ROBO2: variants seen among roughly 807,000 people sequenced by gnomAD.
ROBO2 encodes roundabout homolog 2.
Under a neutral mutation model 160.8 loss-of-function variants are expected in ROBO2, and 53 were observed. That is an observed-to-expected ratio of 0.33 (90% CI 0.26 to 0.41). The LOEUF is 0.41. Among genes scored for constraint, ROBO2 ranks in the 10% least tolerant of loss-of-function variants. ROBO2 has a pLI of 1.00. For synonymous variants in ROBO2, 664 were observed against 611.7 expected (o/e 1.09, Z -1.26); for missense variants, 1,577 against 1,722.4 (o/e 0.92, Z 1.49).
At chr3:77,296,164 T>C (rs1401332589) in intron 2 of ROBO2, among the ~76,000 whole-genome samples, 3 of 149,404 alleles carry the variant, frequency 2.0e-5, no homozygotes, top group African/African-American at 7.4e-5. Flanking sequence ...GCTAAACGAG[T>C]AAGCTGAGGC....
chr3:77,120,181 G>A (rs941193252), intron 2 of ROBO2, among the ~76,000 whole-genome samples: 3 of 152,114 alleles, frequency 2.0e-5, no homozygotes, highest in African/African-American at 7.2e-5. Context: ...TTATTTTAAC[G>A]TGTAATAGAC....
At chr3:77,024,362 G>T (rs75581107) in intron 2 of ROBO2, among the ~76,000 whole-genome samples, 1,866 of 152,238 alleles carry the variant, frequency 0.012, 39 homozygotes, top group African/African-American at 0.042. Flanking sequence ...ATGCAGAAAC[G>T]AGTCTAACAC....
chr3:77,157,081 TA>T (rs554315516), intron 2 of ROBO2, among the ~76,000 whole-genome samples: 34 of 152,154 alleles, frequency 2.2e-4, no homozygotes, highest in Non-Finnish European at 2.9e-4. Flanking sequence ...GCACATTAAA[TA>T]GGCCCTACAG....
chr3:77,307,247 CA>C (rs2063173640), intron 2 of ROBO2, among the ~76,000 whole-genome samples: 1 of 152,200 alleles, frequency 6.6e-6, no homozygotes, highest in East Asian at 1.9e-4. Flanking sequence ...TGTCTCTGAC[CA>C]AAAAGAATTA....
intron 17 of ROBO2, among the ~76,000 whole-genome samples, chr3:77,589,829 C>T (rs1402509593): frequency 6.6e-6 from 1 of 152,118 alleles, no homozygotes; most frequent in Non-Finnish European, 1.5e-5. Flanking sequence ...ACATTTCACA[C>T]TTTCTAGAAT....
intron 2 of ROBO2, among the ~76,000 whole-genome samples, chr3:76,480,909 A>G (rs2079173869): frequency 2.0e-5 from 3 of 152,196 alleles, no homozygotes; most frequent in Admixed American, 2.0e-4. Flanking sequence ...GAGTCTTACA[A>G]CTTTTCAATT....
intron 2 of ROBO2, among the ~76,000 whole-genome samples, chr3:77,378,336 G>A (rs12493938): frequency 0.28 from 41,888 of 152,024 alleles, 6,281 homozygotes; most frequent in East Asian, 0.55. Context: ...TATAAGGTAG[G>A]TGATGATGTT....
intron 2 of ROBO2, among the ~76,000 whole-genome samples, chr3:76,782,570 C>A (rs1029406564): frequency 6.6e-6 from 1 of 150,714 alleles, no homozygotes; most frequent in Non-Finnish European, 1.5e-5. Flanking sequence ...ATATTGAGTG[C>A]ACATATATTT....
chr3:76,869,242 C>T (rs2071709010), intron 2 of ROBO2, among the ~76,000 whole-genome samples: 1 of 151,530 alleles, frequency 6.6e-6, no homozygotes, highest in South Asian at 2.1e-4. Context: ...AGATGTAGAT[C>T]TGCAAACTTG....
chr3:77,398,035 A>G (rs533308988), intron 2 of ROBO2, among the ~76,000 whole-genome samples: 8 of 152,310 alleles, frequency 5.3e-5, no homozygotes, highest in South Asian at 4.1e-4. Flanking sequence ...GAGGAATAAT[A>G]TAACACAGAG....
chr3:75,964,089 C>G (rs939215656), intron 2 of ROBO2, among the ~76,000 whole-genome samples: 2 of 151,664 alleles, frequency 1.3e-5, no homozygotes, highest in Non-Finnish European at 2.9e-5. Context: ...TCATGTTACT[C>G]AGAAGAGATA....
chr3:77,102,578 T>C (rs1319305426), intron 2 of ROBO2, among the ~76,000 whole-genome samples: 5 of 152,200 alleles, frequency 3.3e-5, no homozygotes. Context: ...TTTTTACTAT[T>C]TTTTATTCAC....
At chr3:77,600,041 T>A (rs2094400957) in intron 19 of ROBO2, among the ~76,000 whole-genome samples, 1 of 152,202 alleles carries the variant, frequency 6.6e-6, no homozygotes, top group Non-Finnish European at 1.5e-5. Flanking sequence ...AGCATTTCCA[T>A]AACTCATAGG....
intron 2 of ROBO2, among the ~76,000 whole-genome samples, chr3:77,422,812 A>C (rs2077832086): frequency 1.3e-5 from 2 of 152,172 alleles, no homozygotes; most frequent in Non-Finnish European, 2.9e-5. Flanking sequence ...AAAAGCGTAG[A>C]AGGCATAGAA....
At chr3:76,454,430 A>C (rs1406720535) in intron 2 of ROBO2, among the ~76,000 whole-genome samples, 2 of 152,112 alleles carry the variant, frequency 1.3e-5, no homozygotes, top group African/African-American at 4.8e-5. Flanking sequence ...ACATGTAGGA[A>C]ATCCAGGCAT....
chr3:76,194,369 T>TATATAC (rs1553672787), intron 2 of ROBO2, among the ~76,000 whole-genome samples: 12 of 121,528 alleles, frequency 9.9e-5, no homozygotes, highest in African/African-American at 3.7e-4. Context: ...TATATATATA[T>TATATAC]ATATATATAT....
At chr3:75,954,606 T>G (rs181238050) in intron 2 of ROBO2, among the ~76,000 whole-genome samples, 135 of 151,896 alleles carry the variant, frequency 8.9e-4, no homozygotes, top group African/African-American at 3.1e-3. Flanking sequence ...GAAAAGAAGT[T>G]CAAAACAAAA....
intron 2 of ROBO2, among the ~76,000 whole-genome samples, chr3:77,127,350 C>T (rs1278568034): frequency 6.6e-6 from 1 of 152,112 alleles, no homozygotes; most frequent in African/African-American, 2.4e-5. Context: ...AGCATTTGAG[C>T]TTTCTGTTAC....
At chr3:77,145,254 G>A (rs903779027) in intron 2 of ROBO2, among the ~76,000 whole-genome samples, 4 of 152,002 alleles carry the variant, frequency 2.6e-5, no homozygotes, top group African/African-American at 9.7e-5. Context: ...TGATCTGTGA[G>A]CCTTAAAAAA....
Sources: allele counts gnomAD v4.1 joint callset (sites outside exome capture counted in the v4.1 genomes callset), GRCh38; gene constraint gnomAD v4.1.1; transcripts MANE v1.5; gene names NCBI Gene and HGNC (gene_info 2026-07-23, HGNC 2026-07-21).